The following EPHA4 variants were observed in gnomAD, a reference collection of about 807,000 sequenced individuals.
The protein encoded by EPHA4 is ephrin type-A receptor 4.
In EPHA4, 19 loss-of-function variants were observed where a neutral mutation model predicts 108.3. The ratio of observed to expected loss-of-function variants is 0.18; its 90% CI spans 0.12 to 0.26. The LOEUF is 0.26. Among genes scored for constraint, EPHA4 ranks in the 10% least tolerant of loss-of-function variants. The pLI is 1.00. For synonymous variants in EPHA4, 449 were observed against 455.5 expected (o/e 0.99, Z 0.18); for missense variants, 917 against 1,254.0 (o/e 0.73, Z 4.06).
chr2:221,468,814 A>C (rs1691393258), intron 5 of EPHA4, among the ~76,000 whole-genome samples: 1 of 152,208 alleles, frequency 6.6e-6, no homozygotes, highest in African/African-American at 2.4e-5. Context: ...TTTCAGAAAG[A>C]GGTAAGACAT....
chr2:221,531,135 A>G (rs1051683220), intron 3 of EPHA4, among the ~76,000 whole-genome samples: 12 of 151,742 alleles, frequency 7.9e-5, no homozygotes, highest in Admixed American at 2.6e-4. Flanking sequence ...GAGATCTACA[A>G]TGAAAAAAAT....
At chr2:221,536,486 C>T (rs1693672950) in intron 3 of EPHA4, among the ~76,000 whole-genome samples, 2 of 152,180 alleles carry the variant, frequency 1.3e-5, no homozygotes, top group Non-Finnish European at 2.9e-5. Flanking sequence ...CCCAAATCCT[C>T]ATTAATTCCC....
chr2:221,436,071 G>A (rs1334277732), intron 13 of EPHA4, among the ~76,000 whole-genome samples: 1 of 151,892 alleles, frequency 6.6e-6, no homozygotes, highest in Non-Finnish European at 1.5e-5. Flanking sequence ...CTTAATGCTT[G>A]CTTCTCAGCT....
At position 221,515,116 on chromosome 2, in the gene EPHA4, A is replaced by G. The variant is rs542793102; in HGVS notation, c.824-13944T>C. Reference sequence around the variant, plus strand: ...CTCAATTTTTGTTTGTTTGTTTGAGACGAAGTTTTGCTCTTGTTGGCCAGG... The same window carrying G: ...CTCAATTTTTGTTTGTTTGTTTGAGGCGAAGTTTTGCTCTTGTTGGCCAGG... On this transcript the variant is annotated intron_variant, in intron 3 of 17. Transcript: ENST00000281821. Among the ~76,000 whole-genome samples the G allele has an allele frequency of 3.3e-4, 51 of 152,272 alleles. 1 individual carries two copies. Among genetic ancestry groups the G allele is most frequent in the African/African-American group, 1.2e-3 (50 of 41,564 alleles).
intron 11 of EPHA4, 118 bp from the exon 12 acceptor site, chr2:221,437,240 T>A: frequency 1.4e-6 from 1 of 695,944 alleles, no homozygotes; most frequent in Non-Finnish European, 2.4e-6. Context: ...CTAATTTAAT[T>A]AAAACAAGCC....
chr2:221,461,868 G>T (rs1384348820), intron 5 of EPHA4, among the ~76,000 whole-genome samples: 1 of 152,134 alleles, frequency 6.6e-6, no homozygotes, highest in East Asian at 1.9e-4. Context: ...TCTCATGGGT[G>T]ATGGGGAGGA....
chr2:221,440,691 C>T (rs1228301883), intron 11 of EPHA4, among the ~76,000 whole-genome samples: 1 of 151,008 alleles, frequency 6.6e-6, no homozygotes, highest in East Asian at 1.9e-4. Flanking sequence ...TGAACACGTA[C>T]GAGGTTTTTT....
chr2:221,448,203 A>G (rs1690656167), intron 8 of EPHA4, among the ~76,000 whole-genome samples: 2 of 143,306 alleles, frequency 1.4e-5, no homozygotes, highest in African/African-American at 5.2e-5. Flanking sequence ...GCAGACACAC[A>G]TGCTCAGATT....
At chr2:221,480,090 C>G (rs1005957269) in intron 5 of EPHA4, among the ~76,000 whole-genome samples, 5 of 53,614 alleles carry the variant, frequency 9.3e-5, no homozygotes, top group Non-Finnish European at 1.3e-4. Context: ...GCATTTTCTT[C>G]TTTTGGAGGA....
rs1481341219 is a variant in EPHA4 at position 221,418,232 on chromosome 2, A to C, written c.*3140T>G. The C allele has an allele frequency of 1.3e-5, 2 of 152,592 alleles. No homozygotes were observed. Among genetic ancestry groups the C allele is most frequent in the Non-Finnish European group, 2.9e-5 (2 of 68,034 alleles). The allele number at this position is 152,592 out of a possible 1,614,324, so 9.5% of individuals were successfully genotyped here. On this transcript the variant is annotated 3_prime_UTR_variant, in exon 18 of 18. Coordinates refer to ENST00000281821, the MANE Select transcript of EPHA4 (RefSeq NM_004438.5). ...AAATCTATGTCTAACTCCAGAAATCACTCAAAGTTTGGAACGTGTGAACCG... is the reference window on the plus strand; with the variant it reads ...AAATCTATGTCTAACTCCAGAAATCCCTCAAAGTTTGGAACGTGTGAACCG...
intron 11 of EPHA4, among the ~76,000 whole-genome samples, chr2:221,441,486 C>G (rs1227639564): frequency 6.6e-6 from 1 of 152,062 alleles, no homozygotes; most frequent in Non-Finnish European, 1.5e-5. Flanking sequence ...ACCTCCATCA[C>G]CCAATAAAAC....
chr2:221,526,930 T>TA (rs531432045), intron 3 of EPHA4, among the ~76,000 whole-genome samples: 133 of 129,730 alleles, frequency 1.0e-3, no homozygotes, highest in Non-Finnish European at 1.5e-3. Context: ...TGAGCAGTAT[T>TA]AAAATCTGAA....
chr2:221,427,008 G>A (rs1356727065), intron 15 of EPHA4, among the ~76,000 whole-genome samples: 2 of 152,180 alleles, frequency 1.3e-5, no homozygotes, highest in Non-Finnish European at 2.9e-5. Context: ...CTTTCGTTCA[G>A]CAACTATGGA....
chr2:221,504,746 C>T (rs577646832), intron 3 of EPHA4, among the ~76,000 whole-genome samples: 5 of 152,106 alleles, frequency 3.3e-5, no homozygotes, highest in Non-Finnish European at 2.9e-5. Flanking sequence ...ATTTAATTGT[C>T]ACAATAATTC....
At chr2:221,568,512 T>C (rs1694734768) in intron 2 of EPHA4, among the ~76,000 whole-genome samples, 1 of 152,192 alleles carries the variant, frequency 6.6e-6, no homozygotes, top group African/African-American at 2.4e-5. Context: ...AACCCCTTTC[T>C]GCCCTTTTGG....
At chr2:221,438,589 A>C (rs1360189183) in intron 11 of EPHA4, among the ~76,000 whole-genome samples, 4 of 152,166 alleles carry the variant, frequency 2.6e-5, no homozygotes, top group South Asian at 4.2e-4. Flanking sequence ...GGGGTTTGAG[A>C]CCAGCCTAGC....
chr2:221,466,767 G>A lies in EPHA4; in HGVS notation c.1319-8777C>T, dbSNP rs1354235615. Among the ~76,000 whole-genome samples, 4 of 152,160 alleles carry A rather than the reference G, an allele frequency of 2.6e-5. No homozygotes were observed. In the East Asian group the frequency reaches 7.7e-4, roughly 29 times the overall value. ...TTATAGATCAAGAAGATAAGGTACA[G>A]AGAGTTTGAATAACTTGCTCCAAGT... On this transcript the variant is annotated intron_variant, in intron 5 of 17. Coordinates refer to ENST00000281821, the MANE Select transcript of EPHA4 (RefSeq NM_004438.5).
At chr2:221,481,632 C>T (rs914956802) in intron 5 of EPHA4, among the ~76,000 whole-genome samples, 53 of 151,844 alleles carry the variant, frequency 3.5e-4, no homozygotes, top group African/African-American at 1.2e-3. Flanking sequence ...CCAGCTTGGG[C>T]GACAGAGTGA....
chr2:221,443,117 C>T (rs1008242750), intron 10 of EPHA4, 103 bp from the exon 11 acceptor site: 12 of 1,187,064 alleles, frequency 1.0e-5, no homozygotes, highest in South Asian at 2.9e-5. Flanking sequence ...AGGCTGTTTG[C>T]TAGTGCTTTG....
Sources: gnomAD v4.1 joint callset for allele counts (sites outside exome capture counted in the v4.1 genomes callset) on GRCh38, gnomAD v4.1.1 for gene constraint, MANE v1.5 for transcripts, NCBI Gene and HGNC (gene_info 2026-07-23, HGNC 2026-07-21) for gene names.